Variants in KCTD20 observed in about 807,000 individuals in gnomAD.
The protein encoded by KCTD20 is potassium channel tetramerization domain containing 20.
Under a neutral mutation model 39.6 loss-of-function variants are expected in KCTD20, and 30 were observed. The ratio of observed to expected loss-of-function variants is 0.76; its 90% CI spans 0.57 to 1.03. The LOEUF is 1.03. Ranked by LOEUF, KCTD20 falls within the 50% of genes least tolerant of loss-of-function variation. The pLI, the probability that KCTD20 is intolerant of heterozygous loss-of-function variation, is 0.00. For synonymous variants in KCTD20, 162 were observed against 180.6 expected (o/e 0.90, Z 0.83); for missense variants, 422 against 522.0 (o/e 0.81, Z 1.87).
In KCTD20 at chr6:36,469,418, C is replaced by CA. The variant is rs1294489190; in HGVS notation, c.-46-633dup. The stretch of plus-strand genomic sequence containing the variant: ...GTGTGTGTTGTTCATGGGGACTCTG[C>CA]ACTGCTTTCGAGAGAGATGAATGAC... On this transcript the variant is annotated intron_variant, in intron 1 of 7. Transcript: ENST00000373731. The surrounding 1 kb of genome is among the most constrained non-coding windows in gnomAD (Gnocchi z 4.6). 6.6e-6 allele frequency among the ~76,000 whole-genome samples: 1 copy of CA among 152,142 alleles called. No homozygotes were observed. Among genetic ancestry groups the CA allele is most frequent in the Non-Finnish European group, 1.5e-5 (1 of 68,032 alleles).
intron 1 of KCTD20, chr6:36,452,535 C>T (rs1448470038): frequency 7.2e-6 from 1 of 139,136 alleles, no homozygotes; most frequent in African/African-American, 2.7e-5. Context: ...TGTGCATCTT[C>T]ATTTTCTTTT....
At chr6:36,464,925 C>T (rs1336011851) in intron 1 of KCTD20, among the ~76,000 whole-genome samples, 1 of 152,138 alleles carries the variant, frequency 6.6e-6, no homozygotes, top group Non-Finnish European at 1.5e-5. Flanking sequence ...ACTTCATTTT[C>T]ACCTCCCACC....
At chr6:36,472,474 G>T (rs1775941322) in intron 2 of KCTD20, among the ~76,000 whole-genome samples, 1 of 151,926 alleles carries the variant, frequency 6.6e-6, no homozygotes, top group Non-Finnish European at 1.5e-5. Context: ...CATTAATCAT[G>T]TTCCTGAATT....
In KCTD20 at chr6:36,470,163, T is replaced by G. The variant is rs771589273; in HGVS notation, c.66T>G (p.Asp22Glu). ...GGCAGGAGGCCAGCTGCTTAGTGGATGATACTTTAGCTGTAGCCCAAGAAA... is the reference window on the plus strand; with the variant it reads ...GGCAGGAGGCCAGCTGCTTAGTGGAGGATACTTTAGCTGTAGCCCAAGAAA... ...LLRQEASCLV[D>E]DTLAVAQEKE... Residue 22 changes from aspartate (D) to glutamate (E), a missense_variant, in exon 2 of 8, where the codon GAT becomes GAG. By Grantham distance (45) the Asp-to-Glu change is conservative. Coordinates refer to ENST00000373731, the MANE Select transcript of KCTD20 (RefSeq NM_173562.5). 20 of 1,614,004 alleles carry G rather than the reference T, an allele frequency of 1.2e-5. No individual in the cohort carries two copies. The highest frequency in any genetic ancestry group is 3.3e-4 in the Middle Eastern group (2 of 6,084).
intron 3 of KCTD20, 24 bp downstream of exon 3, chr6:36,475,086 A>C (rs774332559): frequency 3.7e-5 from 60 of 1,602,006 alleles, no homozygotes; most frequent in Middle Eastern, 1.7e-4. Context: ...ATTTTCTTCC[A>C]AATTCATTCT....
chr6:36,451,464 T>C (rs942040231), intron 1 of KCTD20: 2 of 152,190 alleles, frequency 1.3e-5, no homozygotes, highest in South Asian at 2.1e-4. Flanking sequence ...AAAAATCTAA[T>C]ATATCAATAC....
chr6:36,474,797 C>T lies in KCTD20; in HGVS notation c.169C>T (p.Leu57Phe). 1 of 1,606,760 alleles carries T rather than the reference C, an allele frequency of 6.2e-7. No individual in the cohort carries two copies. Among genetic ancestry groups the T allele is most frequent in the Non-Finnish European group, 8.5e-7 (1 of 1,175,190 alleles). ...TTTGTATGTTCTTTTAGACCTCTCA[C>T]TTGACTATGCCTCTCAGCCAGCAAA... ...PLGPRNEDLS[L>F]DYASQPANLQ... Residue 57 changes from leucine to phenylalanine, a missense_variant, in exon 3 of 8, where the codon CTT (leucine) becomes TTT (phenylalanine). Leu to Phe is a conservative substitution (Grantham distance 22). Coordinates refer to ENST00000373731, the MANE Select transcript of KCTD20 (RefSeq NM_173562.5).
chr6:36,450,661 A>G (rs1270918470), intron 1 of KCTD20, among the ~76,000 whole-genome samples: 2 of 152,148 alleles, frequency 1.3e-5, no homozygotes, highest in Non-Finnish European at 2.9e-5. Flanking sequence ...ATGCCTCTGT[A>G]TAAATCATTG....
chr6:36,485,788 G>A (rs1253658437), intron 7 of KCTD20, among the ~76,000 whole-genome samples: 2 of 151,850 alleles, frequency 1.3e-5, no homozygotes, highest in Non-Finnish European at 2.9e-5. Flanking sequence ...CACGGCGCCT[G>A]GCCCCCTATG....
chr6:36,474,072 TTTTTG>T (rs1025676408), intron 2 of KCTD20, among the ~76,000 whole-genome samples: 45 of 149,980 alleles, frequency 3.0e-4, no homozygotes, highest in East Asian at 7.7e-4. Flanking sequence ...TTTTGTTTTG[TTTTTG>T]TTTTGTTTTG....
At chr6:36,483,413 A>G (rs1776323574) in intron 6 of KCTD20, among the ~76,000 whole-genome samples, 1 of 152,000 alleles carries the variant, frequency 6.6e-6, no homozygotes, top group African/African-American at 2.4e-5. Flanking sequence ...GGGTTTCACC[A>G]TGTTGGCCAG....
intron 7 of KCTD20, among the ~76,000 whole-genome samples, chr6:36,485,816 C>G (rs928424864): frequency 2.0e-5 from 3 of 151,990 alleles, no homozygotes; most frequent in African/African-American, 7.3e-5. Flanking sequence ...TTGTTTGACT[C>G]TTGTGCTTTG....
chr6:36,452,999 C>CTTTTTTT (rs59865602), intron 1 of KCTD20, among the ~76,000 whole-genome samples: 41 of 58,136 alleles, frequency 7.1e-4, no homozygotes, highest in Non-Finnish European at 8.3e-4. Context: ...GTTTTCTTAG[C>CTTTTTTT]TTTTTTTTTT....
chr6:36,467,331 T>G (rs1775787250), intron 1 of KCTD20, among the ~76,000 whole-genome samples: 1 of 60,340 alleles, frequency 1.7e-5, no homozygotes. Flanking sequence ...TTTTTTTTTT[T>G]TTTTTTTTTT....
chr6:36,449,415 A>C (rs569907859), intron 1 of KCTD20, among the ~76,000 whole-genome samples: 6 of 150,676 alleles, frequency 4.0e-5, no homozygotes, highest in Admixed American at 4.0e-4. Flanking sequence ...GCGCTGATTC[A>C]TGCGTTTTTA....
chr6:36,447,696 A>G (rs1465446422), intron 1 of KCTD20, among the ~76,000 whole-genome samples: 1 of 151,922 alleles, frequency 6.6e-6, no homozygotes, highest in African/African-American at 2.4e-5. Context: ...AGACATATTT[A>G]TAATTTATTT....
At chr6:36,454,647 T>C (rs530651071) in intron 1 of KCTD20, among the ~76,000 whole-genome samples, 2 of 150,718 alleles carry the variant, frequency 1.3e-5, no homozygotes, top group South Asian at 4.2e-4. Flanking sequence ...CAGCCTTTTT[T>C]TTTTTTCTTG....
At chr6:36,467,841 A>G (rs1775807296) in intron 1 of KCTD20, among the ~76,000 whole-genome samples, 1 of 152,222 alleles carries the variant, frequency 6.6e-6, no homozygotes, top group South Asian at 2.1e-4. Context: ...TGAATGAACT[A>G]GATCTCAATC....
chr6:36,462,055 G>T lies in KCTD20; in HGVS notation c.-46-7997G>T, dbSNP rs956871130. On this transcript the variant is annotated intron_variant, in intron 1 of 7. Coordinates refer to ENST00000373731, the MANE Select transcript of KCTD20 (RefSeq NM_173562.5). The stretch of plus-strand genomic sequence containing the variant: ...CCTTGCCAAGCTTGTGTAGTTTTTT[G>T]CCTTAAATTCTATTTTGTAGGCTAT... 2.6e-5 allele frequency among the ~76,000 whole-genome samples: 4 copies of T among 152,080 alleles called. No homozygotes were observed. In the East Asian group the frequency reaches 7.7e-4, roughly 29 times the overall value.
Sources: gnomAD v4.1 joint callset for allele counts (sites outside exome capture counted in the v4.1 genomes callset) on GRCh38, gnomAD v4.1.1 for gene constraint, Gnocchi (gnomAD v3.1) non-coding constraint, MANE v1.5 for transcripts, NCBI Gene and HGNC (gene_info 2026-07-23, HGNC 2026-07-21) for gene names.